The following SPAG16 variants were observed in gnomAD, a reference collection of about 807,000 sequenced individuals.
The protein encoded by SPAG16 is sperm-associated antigen 16 protein.
Under a neutral mutation model 80.4 loss-of-function variants are expected in SPAG16, and 86 were observed. That is an observed-to-expected ratio of 1.07 (90% CI 0.90 to 1.28). The LOEUF is 1.28. Among genes scored for constraint, SPAG16 ranks in the 50% most tolerant of loss-of-function variants. The probability of loss-of-function intolerance (pLI) is 0.00; values close to 1 mark genes in which losing one functional copy is unlikely to be tolerated. For missense variants in SPAG16, 870 were observed against 765.3 expected (o/e 1.14, Z -1.61); for synonymous variants, 294 against 265.9 (o/e 1.11, Z -1.03).
chr2:213,934,696 A>G (rs112235750), intron 12 of SPAG16, among the ~76,000 whole-genome samples: 2 of 152,348 alleles, frequency 1.3e-5, no homozygotes, highest in African/African-American at 2.4e-5. Flanking sequence ...ACTAAGTTCT[A>G]TACAATAGAA....
chr2:213,609,029 T>G (rs2061358153), intron 10 of SPAG16, among the ~76,000 whole-genome samples: 1 of 152,098 alleles, frequency 6.6e-6, no homozygotes, highest in Non-Finnish European at 1.5e-5. Context: ...AAAAGAAAAA[T>G]AAAAGCAGAC....
At chr2:213,634,937 C>CATATATATATATATATATATATAT (rs139895364) in intron 10 of SPAG16, among the ~76,000 whole-genome samples, 1 of 150,842 alleles carries the variant, frequency 6.6e-6, no homozygotes, top group African/African-American at 2.4e-5. Flanking sequence ...TTATTTCACT[C>CATATATATATATATATATATATAT]ATATATATAT....
chr2:213,613,896 A>G (rs2061515336), intron 10 of SPAG16, among the ~76,000 whole-genome samples: 1 of 152,254 alleles, frequency 6.6e-6, no homozygotes, highest in South Asian at 2.1e-4. Context: ...TAAACTAAGA[A>G]TGGAAGTACT....
intron 10 of SPAG16, among the ~76,000 whole-genome samples, chr2:213,825,768 C>A (rs1321990917): frequency 7.2e-6 from 1 of 138,432 alleles, no homozygotes; most frequent in Non-Finnish European, 1.5e-5. Context: ...ACAGTGGACT[C>A]ATATAATGGG....
chr2:213,688,864 C>A (rs114277203), intron 10 of SPAG16, among the ~76,000 whole-genome samples: 1 of 152,158 alleles, frequency 6.6e-6, no homozygotes, highest in African/African-American at 2.4e-5. Context: ...TATCACCAGA[C>A]ATTTTATTTG....
chr2:214,307,667 G>C (rs538044527), intron 15 of SPAG16, among the ~76,000 whole-genome samples: 9 of 152,062 alleles, frequency 5.9e-5, no homozygotes, highest in Non-Finnish European at 1.0e-4. Flanking sequence ...AGTCATTCAG[G>C]AGCAGGTTAT....
rs994431064 is a variant in SPAG16 at position 214,037,485 on chromosome 2, A to G, written c.1527+23408A>G. 1.2e-4 allele frequency among the ~76,000 whole-genome samples: 18 copies of G among 152,220 alleles called. 1 individual carries two copies. Among genetic ancestry groups the G allele is most frequent in the Admixed American group, 5.2e-4 (8 of 15,294 alleles). On this transcript the variant is annotated intron_variant, in intron 13 of 15. Coordinates refer to ENST00000331683, the MANE Select transcript of SPAG16 (RefSeq NM_024532.5). ...AATGCCCAATGAATGTTTGAGAAGA[A>G]GATGTATTCACTATTACTTGAGTGT...
At chr2:214,313,524 G>C (rs1291273830) in intron 15 of SPAG16, among the ~76,000 whole-genome samples, 3 of 151,988 alleles carry the variant, frequency 2.0e-5, no homozygotes, top group Non-Finnish European at 4.4e-5. Context: ...CTCCTTGTAA[G>C]GCTTAAATAG....
At chr2:213,327,634 T>A (rs780355951) in intron 5 of SPAG16, among the ~76,000 whole-genome samples, 19 of 152,158 alleles carry the variant, frequency 1.2e-4, no homozygotes, top group Non-Finnish European at 2.2e-4. Context: ...CTCATTTATG[T>A]AATTCAAGTG....
intron 12 of SPAG16, among the ~76,000 whole-genome samples, chr2:213,971,879 G>GTT (rs895112369): frequency 1.3e-5 from 2 of 148,206 alleles, no homozygotes; most frequent in East Asian, 3.9e-4. Flanking sequence ...TTGTTTTTTG[G>GTT]TTTTTTTTTT....
chr2:213,291,099 G>T (rs2062253580), intron 1 of SPAG16, among the ~76,000 whole-genome samples: 2 of 152,152 alleles, frequency 1.3e-5, no homozygotes, highest in Non-Finnish European at 2.9e-5. Flanking sequence ...TGGTTACTGG[G>T]AAGCTTAGAG....
intron 10 of SPAG16, among the ~76,000 whole-genome samples, chr2:213,539,187 C>T (rs1012843310): frequency 6.6e-6 from 1 of 152,064 alleles, no homozygotes; most frequent in African/African-American, 2.4e-5. Flanking sequence ...TCCGTAGATT[C>T]ATAGTACAAC....
chr2:214,115,134 G>A lies in SPAG16; in HGVS notation c.1593+6873G>A, dbSNP rs554040002. Among the ~76,000 whole-genome samples the A allele has an allele frequency of 6.6e-5, 10 of 152,152 alleles. No homozygotes were observed. In the South Asian group the frequency reaches 1.9e-3, roughly 28 times the overall value. ...TGTTATGATGACTGACATTTTTTAA[G>A]GAAATTTTTGGTCACTTATATTAAT... On this transcript the variant is annotated intron_variant, in intron 14 of 15. Coordinates refer to ENST00000331683, the MANE Select transcript of SPAG16 (RefSeq NM_024532.5).
At chr2:213,660,272 G>GTT (rs1268686589) in intron 10 of SPAG16, among the ~76,000 whole-genome samples, 38 of 140,542 alleles carry the variant, frequency 2.7e-4, no homozygotes, top group African/African-American at 6.9e-4. Flanking sequence ...TAGTGTTGTT[G>GTT]TTTTTTTTTT....
chr2:214,272,455 C>A (rs1424293309), intron 15 of SPAG16, among the ~76,000 whole-genome samples: 2 of 152,038 alleles, frequency 1.3e-5, no homozygotes, highest in African/African-American at 4.8e-5. Context: ...TGCCCCCCAA[C>A]CCACAACAGG....
intron 9 of SPAG16, among the ~76,000 whole-genome samples, chr2:213,432,733 C>A (rs2125491407): frequency 6.6e-6 from 1 of 152,206 alleles, no homozygotes; most frequent in East Asian, 1.9e-4. Context: ...TGGTGGGAAT[C>A]TTTCATAATT....
intron 9 of SPAG16, among the ~76,000 whole-genome samples, chr2:213,455,726 T>C (rs940293427): frequency 2.6e-5 from 4 of 152,190 alleles, no homozygotes; most frequent in African/African-American, 7.2e-5. Flanking sequence ...TGTGATAATA[T>C]AATGCCCCTG....
intron 10 of SPAG16, among the ~76,000 whole-genome samples, chr2:213,720,729 G>A (rs546344758): frequency 6.7e-6 from 1 of 148,412 alleles, no homozygotes; most frequent in Admixed American, 7.0e-5. Context: ...CAAGTGCCTG[G>A]CCGAAGTAAG....
At chr2:213,916,831 C>G (rs1221049883) in intron 11 of SPAG16, among the ~76,000 whole-genome samples, 1 of 152,150 alleles carries the variant, frequency 6.6e-6, no homozygotes, top group Non-Finnish European at 1.5e-5. Context: ...GTTTTTGTTA[C>G]AATTGCTTTT....
Sources: allele counts gnomAD v4.1 joint callset (sites outside exome capture counted in the v4.1 genomes callset), GRCh38; gene constraint gnomAD v4.1.1; transcripts MANE v1.5; gene names NCBI Gene and HGNC (gene_info 2026-07-23, HGNC 2026-07-21).